Variants in GRIK1 observed in about 807,000 individuals in gnomAD.
GRIK1 encodes glutamate receptor ionotropic, kainate 1.
A neutral mutation model predicts 105.7 loss-of-function variants in GRIK1; 69 were observed. The ratio of observed to expected loss-of-function variants is 0.65; its 90% CI spans 0.54 to 0.80. The LOEUF is 0.80. Ranked by LOEUF, GRIK1 falls within the 30% of genes least tolerant of loss-of-function variation. GRIK1 has a pLI of 0.00. For missense variants in GRIK1, 1,109 were observed against 1,167.3 expected (o/e 0.95, Z 0.73); for synonymous variants, 438 against 431.3 (o/e 1.02, Z -0.19).
intron 1 of GRIK1, among the ~76,000 whole-genome samples, chr21:29,755,062 C>G (rs746436206): frequency 1.3e-5 from 2 of 152,144 alleles, no homozygotes; most frequent in African/African-American, 4.8e-5. Context: ...ATGTTATTTT[C>G]TGTATAATCC....
At chr21:29,752,136 C>A (rs573904749) in intron 1 of GRIK1, among the ~76,000 whole-genome samples, 1 of 152,290 alleles carries the variant, frequency 6.6e-6, no homozygotes, top group Admixed American at 6.5e-5. Context: ...GCTGGTTTTT[C>A]TGAAACAGCT....
At chr21:29,873,622 G>A (rs776946814) in intron 1 of GRIK1, among the ~76,000 whole-genome samples, 6 of 152,176 alleles carry the variant, frequency 3.9e-5, no homozygotes, top group Admixed American at 6.5e-5. Flanking sequence ...TTGGTCACAA[G>A]GACCTTTTTT....
intron 7 of GRIK1, among the ~76,000 whole-genome samples, chr21:29,621,955 T>C (rs1459938550): frequency 6.6e-6 from 1 of 150,626 alleles, no homozygotes; most frequent in African/African-American, 2.5e-5. Context: ...TTTTTTCTTT[T>C]TTTTTTTTGA....
intron 1 of GRIK1, among the ~76,000 whole-genome samples, chr21:29,798,720 C>G (rs760827393): frequency 5.0e-4 from 76 of 152,318 alleles, no homozygotes; most frequent in Non-Finnish European, 8.7e-4. Context: ...TCTCCAAATA[C>G]TCCTCGGCAT....
At chr21:29,576,900 A>G in intron 14 of GRIK1, 64 bp downstream of exon 14, 1 of 811,166 alleles carries the variant, frequency 1.2e-6, no homozygotes, top group South Asian at 2.3e-5. Flanking sequence ...TTTTTTCGAC[A>G]GATTCTTTTA....
intron 1 of GRIK1, among the ~76,000 whole-genome samples, chr21:29,929,933 G>A (rs1380479143): frequency 2.0e-5 from 3 of 152,156 alleles, no homozygotes; most frequent in Non-Finnish European, 4.4e-5. Context: ...ATCAGCGGAT[G>A]AATGGATAAA....
At chr21:29,766,290 C>A (rs1200554436) in intron 1 of GRIK1, among the ~76,000 whole-genome samples, 2 of 152,050 alleles carry the variant, frequency 1.3e-5, no homozygotes, top group African/African-American at 2.4e-5. Flanking sequence ...ATTGTCTCCA[C>A]CCCTAGCTAC....
Position 29,660,136 on chromosome 21 carries a change from T to C in GRIK1, c.727-5273A>G, listed in dbSNP as rs115206488. 8.5e-3 allele frequency among the ~76,000 whole-genome samples: 1,291 copies of C among 152,316 alleles called. 21 individuals are homozygous for C. Among genetic ancestry groups the C allele is most frequent in the African/African-American group, 0.029 (1,220 of 41,560 alleles). ...ATCCCACATTGGTCCAGCTGCTTTC[T>C]GGAGTTTTTGCCACAGAACACTCAT... On this transcript the variant is annotated intron_variant, in intron 4 of 17. Coordinates refer to ENST00000327783, the MANE Select transcript of GRIK1 (RefSeq NM_001330994.2).
At chr21:29,750,407 T>C (rs2065162764) in intron 1 of GRIK1, among the ~76,000 whole-genome samples, 1 of 152,106 alleles carries the variant, frequency 6.6e-6, no homozygotes, top group Non-Finnish European at 1.5e-5. Flanking sequence ...GAGCCAGAGC[T>C]CTGGGTCAAC....
chr21:29,712,877 A>G (rs1469038801), intron 1 of GRIK1, among the ~76,000 whole-genome samples: 1 of 151,098 alleles, frequency 6.6e-6, no homozygotes, highest in African/African-American at 2.4e-5. Flanking sequence ...CTATCTTCTC[A>G]TAGTGAAGAG....
At chr21:29,870,121 C>T (rs73900258) in intron 1 of GRIK1, among the ~76,000 whole-genome samples, 1,593 of 152,172 alleles carry the variant, frequency 0.01, 24 homozygotes, top group African/African-American at 0.036. Context: ...TGCAATTGAG[C>T]ATTGTGTATT....
At chr21:29,607,378 T>C (rs980171572) in intron 7 of GRIK1, among the ~76,000 whole-genome samples, 1 of 150,922 alleles carries the variant, frequency 6.6e-6, no homozygotes, top group African/African-American at 2.4e-5. Flanking sequence ...CAACCCTCAA[T>C]AGCTGCCTAT....
chr21:29,789,782 G>A (rs2066361571), intron 1 of GRIK1, among the ~76,000 whole-genome samples: 1 of 152,218 alleles, frequency 6.6e-6, no homozygotes, highest in South Asian at 2.1e-4. Context: ...GCTTTGGGTT[G>A]ATTGCTGCAT....
chr21:29,897,821 C>T (rs914947650), intron 1 of GRIK1, among the ~76,000 whole-genome samples: 2 of 152,134 alleles, frequency 1.3e-5, no homozygotes, highest in Admixed American at 1.3e-4. Flanking sequence ...TGTTCTGAAG[C>T]ACAAATGATA....
chr21:29,757,739 G>A lies in GRIK1; in HGVS notation c.119-63676C>T, dbSNP rs77540680. On this transcript the variant is annotated intron_variant, in intron 1 of 17. Coordinates refer to ENST00000327783, the MANE Select transcript of GRIK1 (RefSeq NM_001330994.2). The stretch of plus-strand genomic sequence containing the variant: ...AACTTCTGCATTAATGATATTTTGG[G>A]TTGAAAAATTTTATACTGTGGAAGA... Among the ~76,000 whole-genome samples the A allele has an allele frequency of 2.9e-3, 434 of 152,178 alleles. 2 individuals are homozygous for A. The highest frequency in any genetic ancestry group is 9.9e-3 in the African/African-American group (413 of 41,524).
At chr21:29,718,554 C>T (rs960712395) in intron 1 of GRIK1, among the ~76,000 whole-genome samples, 1 of 152,148 alleles carries the variant, frequency 6.6e-6, no homozygotes, top group Non-Finnish European at 1.5e-5. Flanking sequence ...GAATCAGGGT[C>T]TCAGCTTCAT....
chr21:29,719,162 A>G (rs1479159719), intron 1 of GRIK1, among the ~76,000 whole-genome samples: 1 of 149,968 alleles, frequency 6.7e-6, no homozygotes, highest in African/African-American at 2.4e-5. Context: ...AAGCTTTTTT[A>G]TATATATGTA....
intron 16 of GRIK1, among the ~76,000 whole-genome samples, chr21:29,544,901 C>T (rs1056883765): frequency 6.6e-6 from 1 of 152,212 alleles, no homozygotes; most frequent in African/African-American, 2.4e-5. Context: ...AGGGGCACCT[C>T]CTCTGCCTTC....
At chr21:29,923,993 C>CA (rs2071271349) in intron 1 of GRIK1, among the ~76,000 whole-genome samples, 1 of 151,884 alleles carries the variant, frequency 6.6e-6, no homozygotes, top group South Asian at 2.1e-4. Flanking sequence ...AACAAGAGTA[C>CA]AAAAAATTGG....
Sources: gnomAD v4.1 joint callset for allele counts (sites outside exome capture counted in the v4.1 genomes callset) on GRCh38, gnomAD v4.1.1 for gene constraint, MANE v1.5 for transcripts, NCBI Gene and HGNC (gene_info 2026-07-23, HGNC 2026-07-21) for gene names.